Variants in ECHDC2 observed in about 807,000 individuals in gnomAD.
ECHDC2 encodes enoyl-CoA hydratase domain containing 2.
A neutral mutation model predicts 40.6 loss-of-function variants in ECHDC2; 34 were observed. That is an observed-to-expected ratio of 0.84 (90% confidence interval 0.64 to 1.11). The LOEUF (loss-of-function observed/expected upper bound fraction) is 1.11, where lower values mean the gene tolerates loss of function less well. Among genes scored for constraint, ECHDC2 ranks in the 50% most tolerant of loss-of-function variants. ECHDC2 has a pLI of 0.00. For missense variants in ECHDC2, 392 were observed against 400.7 expected (o/e 0.98, Z 0.19); for synonymous variants, 162 against 166.6 (o/e 0.97, Z 0.21).
chr1:52,896,736 A>C, intron 9 of ECHDC2, 139 bp from the exon 10 acceptor site: 1 of 701,034 alleles, frequency 1.4e-6, no homozygotes, highest in South Asian at 1.7e-5. Context: ...TGAGGCATGC[A>C]AAGGTATAAG....
At position 52,904,886 on chromosome 1, in the gene ECHDC2, G is replaced by A. The variant is rs542951858; in HGVS notation, c.515-53C>T. On this transcript the variant is annotated intron_variant, in intron 6 of 9. Transcript: ENST00000371522. The stretch of plus-strand genomic sequence containing the variant: ...AATCAGCATGGGAAGTGGGAACCCA[G>A]AGAAGGCTCAGCCTGGGACTCAGCC... 6.8e-5 allele frequency: 109 copies of A among 1,597,930 alleles called. No homozygotes were observed. In the African/African-American group the frequency reaches 1.4e-3, roughly 21 times the overall value.
intron 3 of ECHDC2, among the ~76,000 whole-genome samples, chr1:52,909,859 C>T (rs1648963473): frequency 6.6e-6 from 1 of 152,120 alleles, no homozygotes; most frequent in South Asian, 2.1e-4. Context: ...TACTTGTACA[C>T]CAATGTATTT....
At position 52,906,506 on chromosome 1, in the gene ECHDC2, C is replaced by T. The variant is rs750897156; in HGVS notation, c.457+13G>A. 1 of 1,603,986 alleles carries T rather than the reference C, an allele frequency of 6.2e-7. No homozygotes were observed. Among genetic ancestry groups the T allele is most frequent in the South Asian group, 1.1e-5 (1 of 89,130 alleles). On this transcript the variant is annotated intron_variant, in intron 5 of 9. Coordinates refer to ENST00000371522, the MANE Select transcript of ECHDC2 (RefSeq NM_001198961.2). ...CCTAGCCCCACCCCCTGCCCCCAGTCCTGGCCCAGTACCTGCCACTCGGAG... is the reference window on the plus strand; with the variant it reads ...CCTAGCCCCACCCCCTGCCCCCAGTTCTGGCCCAGTACCTGCCACTCGGAG...
chr1:52,905,282 T>C (rs1571940551), intron 5 of ECHDC2, 192 bp from the exon 6 acceptor site: 3 of 603,128 alleles, frequency 5.0e-6, no homozygotes, highest in Non-Finnish European at 5.9e-6. Flanking sequence ...CAGGCCCTTA[T>C]TTCACCATGC....
At chr1:52,897,288 C>A in intron 9 of ECHDC2, 149 bp downstream of exon 9, 1 of 805,106 alleles carries the variant, frequency 1.2e-6, no homozygotes, top group South Asian at 1.5e-5. Context: ...TCTCCTCAAG[C>A]CACTCCAGGT....
At position 52,914,308 on chromosome 1, in the gene ECHDC2, G is replaced by T. The variant is rs1403790700; in HGVS notation, c.122-2518C>A. On this transcript the variant is annotated intron_variant, in intron 1 of 9. Transcript: ENST00000371522. The surrounding 1 kb of genome is among the most constrained non-coding windows in gnomAD (Gnocchi z 4.0). ...AAGATGTAAGAGTGCATGTGTGCAT[G>T]TAAGTGTGCATGCATGGGTGCATAT... Among the ~76,000 whole-genome samples, 1 of 152,200 alleles carries T rather than the reference G, an allele frequency of 6.6e-6. No homozygotes were observed. Among genetic ancestry groups the T allele is most frequent in the Non-Finnish European group, 1.5e-5 (1 of 68,034 alleles).
At chr1:52,903,068 G>C (rs1647090242) in intron 7 of ECHDC2, among the ~76,000 whole-genome samples, 1 of 152,092 alleles carries the variant, frequency 6.6e-6, no homozygotes, top group Non-Finnish European at 1.5e-5. Context: ...TGGGCCCCCT[G>C]AGAGTTGGGA....
chr1:52,903,046 C>T (rs762758000), intron 7 of ECHDC2, among the ~76,000 whole-genome samples: 2 of 152,116 alleles, frequency 1.3e-5, no homozygotes, highest in Non-Finnish European at 1.5e-5. Context: ...CTGTACCCAA[C>T]CCCCTGTATC....
intron 5 of ECHDC2, 176 bp downstream of exon 5, chr1:52,906,343 G>A (rs1647804545): frequency 7.2e-6 from 5 of 695,904 alleles, no homozygotes; most frequent in Non-Finnish European, 1.1e-5. Flanking sequence ...GCTAATGGCT[G>A]CACCAGGAGG....
chr1:52,912,077 GC>G, intron 1 of ECHDC2: 1 of 1,352,680 alleles, frequency 7.4e-7, no homozygotes, highest in South Asian at 1.7e-5. Flanking sequence ...GCCCTTGCCT[GC>G]TTCTGCTGTT....
chr1:52,900,629 C>T (rs1463020459), intron 7 of ECHDC2: 1 of 151,998 alleles, frequency 6.6e-6, no homozygotes, highest in Non-Finnish European at 1.5e-5. Flanking sequence ...AGTATGGAAA[C>T]AATAGTGATG....
intron 3 of ECHDC2, among the ~76,000 whole-genome samples, chr1:52,910,352 G>GCTTTTTTTTTTT (rs1649094598): frequency 3.1e-5 from 1 of 32,062 alleles, no homozygotes; most frequent in African/African-American, 1.1e-4. Context: ...CCACAATTTC[G>GCTTTTTTTTTTT]TTTTTTTTTT....
Position 52,896,552 on chromosome 1 carries a change from C to T in ECHDC2, c.847G>A (p.Glu283Lys). 1.2e-6 allele frequency: 2 copies of T among 1,614,186 alleles called. No individual in the cohort carries two copies. Among genetic ancestry groups the T allele is most frequent in the South Asian group, 2.2e-5 (2 of 91,088 alleles). Reference protein sequence around the residue: ...DRLEGMAAFREKRTPKFVGK With the variant: ...DRLEGMAAFRKKRTPKFVGK ...CCAACAAATTTGGGAGTCCGCTTCT[C>T]CCTGAAGGCTGCCATGCCCTCTAGC... is the stretch of plus-strand genomic sequence containing the variant. The change falls in exon 10 of 10, where the codon GAG becomes AAG. Residue 283 changes from glutamate (E) to lysine (K), a missense_variant. Transcript: ENST00000371522.
intron 4 of ECHDC2, 93 bp from the exon 5 acceptor site, chr1:52,906,704 G>T: frequency 1.1e-6 from 1 of 890,138 alleles, no homozygotes; most frequent in Admixed American, 2.8e-5. Flanking sequence ...TTGGGACAGA[G>T]GCCTCAGTGG....
Position 52,914,271 on chromosome 1 carries a change from T to G in ECHDC2, c.122-2481A>C, listed in dbSNP as rs568180607. On this transcript the variant is annotated intron_variant, in intron 1 of 9. Coordinates refer to ENST00000371522, the MANE Select transcript of ECHDC2 (RefSeq NM_001198961.2). The surrounding 1 kb of genome is among the most constrained non-coding windows in gnomAD (Gnocchi z 4.0). ...CTGAGAGCTGACAGGAGAGTAGGAA[T>G]TGGCCAGGCAAAAGATGTAAGAGTG... Among the ~76,000 whole-genome samples, 1 of 152,214 alleles carries G rather than the reference T, an allele frequency of 6.6e-6. No individual in the cohort carries two copies. Among genetic ancestry groups the G allele is most frequent in the East Asian group, 1.9e-4 (1 of 5,178 alleles).
chr1:52,896,465 T>C lies in ECHDC2; in HGVS notation c.*55A>G. 1 of 1,422,594 alleles carries C rather than the reference T, an allele frequency of 7.0e-7. No homozygotes were observed. The highest frequency in any genetic ancestry group is 9.9e-7 in the Non-Finnish European group (1 of 1,005,272). The allele number at this position is 1,422,594 out of a possible 1,614,324, so 88.1% of individuals were successfully genotyped here. A position where few individuals can be genotyped will look rare whatever the true frequency, so the allele number is the denominator to read the frequency against. ...AGGCAATCTGGCCACAAATCTTCCTTCTGGATCCTGCTCTTCAGGGCATGC... is the reference window on the plus strand; with the variant it reads ...AGGCAATCTGGCCACAAATCTTCCTCCTGGATCCTGCTCTTCAGGGCATGC... On this transcript the variant is annotated 3_prime_UTR_variant, in exon 10 of 10. Coordinates refer to ENST00000371522, the MANE Select transcript of ECHDC2 (RefSeq NM_001198961.2).
At chr1:52,920,363 TA>T in intron 1 of ECHDC2, 1 of 680,664 alleles carries the variant, frequency 1.5e-6, no homozygotes, top group Non-Finnish European at 2.6e-6. Context: ...GTCAAGCCGG[TA>T]AAAAGGAAGC....
chr1:52,906,656 C>T, intron 4 of ECHDC2, 45 bp from the exon 5 acceptor site: 1 of 1,519,902 alleles, frequency 6.6e-7, no homozygotes, highest in Non-Finnish European at 8.9e-7. Flanking sequence ...CCTGGTGGGA[C>T]CAGGACAGAG....
At chr1:52,912,129 C>T (rs1480154456) in intron 1 of ECHDC2, 7 of 867,390 alleles carry the variant, frequency 8.1e-6, no homozygotes, top group Non-Finnish European at 1.0e-5. Context: ...CACACATGCA[C>T]CCATGTACCT....
Sources: allele counts gnomAD v4.1 joint callset (sites outside exome capture counted in the v4.1 genomes callset), GRCh38; gene constraint gnomAD v4.1.1; non-coding constraint Gnocchi (gnomAD v3.1); transcripts MANE v1.5; gene names NCBI Gene and HGNC (gene_info 2026-07-23, HGNC 2026-07-21).